CSMD3: variants seen among roughly 807,000 people sequenced by gnomAD.
The protein encoded by CSMD3 is CUB and Sushi multiple domains 3.
CSMD3 carries 177 observed loss-of-function variants against 435.2 expected under a neutral mutation model. The ratio of observed to expected loss-of-function variants is 0.41; its 90% CI spans 0.36 to 0.46. The LOEUF is 0.46. CSMD3 is among the 20% of genes least tolerant of loss of function. CSMD3 has a pLI of 0.34. For synonymous variants in CSMD3, 1,656 were observed against 1,520.5 expected, an observed-to-expected ratio of 1.09 and a Z score of -2.07; for missense variants, 4,265 against 4,504.6, an observed-to-expected ratio of 0.95 and a Z score of 1.52.
At chr8:113,122,422 T>C (rs2091010949) in intron 4 of CSMD3, among the ~76,000 whole-genome samples, 2 of 152,070 alleles carry the variant, frequency 1.3e-5, no homozygotes, top group African/African-American at 4.8e-5. Flanking sequence ...ATATGTTACT[T>C]TAGATGACAG....
chr8:112,699,916 C>G (rs1362547597), intron 13 of CSMD3, among the ~76,000 whole-genome samples: 1 of 152,050 alleles, frequency 6.6e-6, no homozygotes, highest in Non-Finnish European at 1.5e-5. Flanking sequence ...CAATGCAATG[C>G]AGGTTCTTGG....
intron 10 of CSMD3, among the ~76,000 whole-genome samples, chr8:112,884,551 T>A (rs2081536801): frequency 6.6e-6 from 1 of 151,776 alleles, no homozygotes; most frequent in Non-Finnish European, 1.5e-5. Context: ...CAGTGGCACA[T>A]CCTTTCCCCC....
intron 22 of CSMD3, among the ~76,000 whole-genome samples, chr8:112,597,289 C>A (rs1464670623): frequency 6.6e-6 from 1 of 152,160 alleles, no homozygotes. Flanking sequence ...AATTCCTCAA[C>A]ATATACACCC....
At position 112,747,824 on chromosome 8, in the gene CSMD3, G is replaced by A. The variant is rs527635984; in HGVS notation, c.1972+52338C>T. On this transcript the variant is annotated intron_variant, in intron 13 of 70. Transcript: ENST00000297405. ...TAAAAATACAAAAAATTAGCCGGGC[G>A]CAGTGGCGGGCGCCTATAGTCCCAG... Among the ~76,000 whole-genome samples the A allele has an allele frequency of 2.1e-3, 320 of 152,012 alleles. 1 individual carries two copies. Among genetic ancestry groups the A allele is most frequent in the African/African-American group, 7.4e-3 (306 of 41,542 alleles).
Position 112,295,979 on chromosome 8 carries a change from A to T in CSMD3, c.8468T>A (p.Ile2823Asn), listed in dbSNP as rs573116897. Residue 2823 changes from isoleucine (I) to asparagine (N), a missense_variant, in exon 54 of 71, where the codon ATT (isoleucine) becomes AAT (asparagine). Around this residue, in one of 3 missense-constraint regions of CSMD3, gnomAD observed 3,255 missense variants for 3,380.2 expected, o/e 0.96. Transcript: ENST00000297405. ...TTCTCCAATGACTTGACCATTCACA[A>T]TCAGTTCTGGAATTCCACAATGACC... ...LAGHCGIPEL[I>N]VNGQVIGENY... The T allele has an allele frequency of 2.1e-5, 34 of 1,613,200 alleles. No homozygotes were observed. The highest frequency in any genetic ancestry group is 1.5e-4 in the Admixed American group (9 of 59,988).
At chr8:113,400,922 C>T (rs1051656927) in intron 1 of CSMD3, among the ~76,000 whole-genome samples, 1 of 151,672 alleles carries the variant, frequency 6.6e-6, no homozygotes, top group African/African-American at 2.4e-5. Flanking sequence ...CAAGTTTAAT[C>T]CTACATGTTC....
chr8:112,927,483 C>A (rs148757268), intron 9 of CSMD3, among the ~76,000 whole-genome samples: 1 of 152,022 alleles, frequency 6.6e-6, no homozygotes, highest in Non-Finnish European at 1.5e-5. Flanking sequence ...CCTTCTTTCT[C>A]TTGAATATTC....
intron 32 of CSMD3, among the ~76,000 whole-genome samples, chr8:112,431,214 G>C (rs901694014): frequency 1.3e-5 from 2 of 151,968 alleles, no homozygotes; most frequent in East Asian, 3.9e-4. Context: ...TGTTTAAAAG[G>C]TTAACCTGAA....
At chr8:112,675,846 T>C (rs1367959221) in intron 16 of CSMD3, among the ~76,000 whole-genome samples, 1 of 152,034 alleles carries the variant, frequency 6.6e-6, no homozygotes, top group South Asian at 2.1e-4. Flanking sequence ...GGGCTACGGA[T>C]TAATTAAAGC....
chr8:113,032,011 C>T (rs752868867), intron 5 of CSMD3, among the ~76,000 whole-genome samples: 1 of 151,632 alleles, frequency 6.6e-6, no homozygotes, highest in Non-Finnish European at 1.5e-5. Context: ...TTCTCTTTCG[C>T]CTTCTGCCAT....
chr8:112,300,945 A>T (rs2130750662), intron 53 of CSMD3, among the ~76,000 whole-genome samples: 1 of 152,232 alleles, frequency 6.6e-6, no homozygotes, highest in Middle Eastern at 3.4e-3. Context: ...CACTGTACAA[A>T]TTTTGCCGTA....
chr8:112,848,695 G>A (rs971866973), intron 11 of CSMD3, among the ~76,000 whole-genome samples: 1 of 152,030 alleles, frequency 6.6e-6, no homozygotes, highest in African/African-American at 2.4e-5. Context: ...ACATGGTGAG[G>A]CATGGATGAT....
intron 5 of CSMD3, among the ~76,000 whole-genome samples, chr8:113,092,887 G>T (rs1369984273): frequency 6.6e-6 from 1 of 151,960 alleles, no homozygotes; most frequent in African/African-American, 2.4e-5. Context: ...TAGCCTCTTG[G>T]TTTTTGTTTG....
intron 3 of CSMD3, among the ~76,000 whole-genome samples, chr8:113,239,201 T>C (rs2093183988): frequency 6.6e-6 from 1 of 152,106 alleles, no homozygotes; most frequent in African/African-American, 2.4e-5. Flanking sequence ...AAAACTCATA[T>C]TGGAAGTGCA....
chr8:113,418,040 C>T (rs959102123), intron 1 of CSMD3, among the ~76,000 whole-genome samples: 1 of 151,860 alleles, frequency 6.6e-6, no homozygotes, highest in African/African-American at 2.4e-5. Flanking sequence ...TTAAAACAGC[C>T]AACATTTATT....
chr8:112,291,153 T>C (rs1416300446), intron 56 of CSMD3, among the ~76,000 whole-genome samples: 1 of 151,970 alleles, frequency 6.6e-6, no homozygotes, highest in Non-Finnish European at 1.5e-5. Flanking sequence ...TGATGGATGT[T>C]TAAGACTAAT....
At chr8:112,561,761 A>G (rs1157700090) in intron 24 of CSMD3, among the ~76,000 whole-genome samples, 1 of 151,720 alleles carries the variant, frequency 6.6e-6, no homozygotes, top group Non-Finnish European at 1.5e-5. Context: ...AATGAGCAAT[A>G]TATAGTGTTT....
intron 12 of CSMD3, among the ~76,000 whole-genome samples, chr8:112,827,951 T>A (rs1383368618): frequency 3.3e-5 from 5 of 152,114 alleles, no homozygotes; most frequent in Admixed American, 3.3e-4. Context: ...TTACATGTAA[T>A]TTTCAGTTCC....
intron 59 of CSMD3, among the ~76,000 whole-genome samples, chr8:112,274,483 G>A (rs1036324095): frequency 2.0e-5 from 3 of 152,124 alleles, no homozygotes; most frequent in African/African-American, 7.2e-5. Flanking sequence ...AGTCGACATT[G>A]ACAGAGAAAT....
Sources: gnomAD v4.1 joint callset for allele counts (sites outside exome capture counted in the v4.1 genomes callset) on GRCh38, gnomAD v4.1.1 for gene constraint, gnomAD v4.1.1 regional missense constraint, MANE v1.5 for transcripts, NCBI Gene and HGNC (gene_info 2026-07-23, HGNC 2026-07-21) for gene names.